SEC24A: variants seen among roughly 807,000 people sequenced by gnomAD.
The protein encoded by SEC24A is SEC24 homolog A, COPII component.
SEC24A carries 93 observed loss-of-function variants against 129.4 expected under a neutral mutation model. The ratio of observed to expected loss-of-function variants is 0.72; its 90% CI spans 0.61 to 0.85. The LOEUF (loss-of-function observed/expected upper bound fraction) is 0.85. Among genes scored for constraint, SEC24A ranks in the 40% least tolerant of loss-of-function variants. SEC24A has a pLI of 0.00. For synonymous variants in SEC24A, 460 were observed against 467.3 expected (o/e 0.98, Z 0.20); for missense variants, 1,264 against 1,307.4 (o/e 0.97, Z 0.51).
chr5:134,674,495 C>G, intron 4 of SEC24A, 120 bp from the exon 5 acceptor site: 2 of 813,372 alleles, frequency 2.5e-6, no homozygotes, highest in Admixed American at 2.8e-5. Context: ...TGTGATTGCA[C>G]CACTGCACTG....
Position 134,648,968 on chromosome 5 carries a change from C to T in SEC24A, c.-109C>T. ...ATGCGCCCCCCCCTCTTCTCCCAGT[C>T]TTCAGTCTTAAGTCGTTAGCCTCCT... On this transcript the variant is annotated 5_prime_UTR_variant, in exon 1 of 23. Transcript: ENST00000398844. The T allele has an allele frequency of 1.4e-6, 1 of 724,880 alleles. No homozygotes were observed. Among genetic ancestry groups the T allele is most frequent in the South Asian group, 1.9e-5 (1 of 52,948 alleles). The allele number at this position is 724,880 out of a possible 1,614,324, so 44.9% of individuals were successfully genotyped here. A position where few individuals can be genotyped will look rare whatever the true frequency, so the allele number is the denominator to read the frequency against.
At chr5:134,717,394 C>T (rs1411895125) in intron 19 of SEC24A, among the ~76,000 whole-genome samples, 1 of 151,758 alleles carries the variant, frequency 6.6e-6, no homozygotes, top group Admixed American at 6.6e-5. Context: ...GTAATCCCAG[C>T]TACTCGGGAG....
chr5:134,652,028 T>C (rs1750073531), intron 1 of SEC24A, among the ~76,000 whole-genome samples: 1 of 151,434 alleles, frequency 6.6e-6, no homozygotes, highest in Non-Finnish European at 1.5e-5. Flanking sequence ...TTCAAGCAAT[T>C]CTCCTGCCTC....
chr5:134,654,219 A>ATAT (rs112043481), intron 1 of SEC24A, among the ~76,000 whole-genome samples: 22 of 150,894 alleles, frequency 1.5e-4, no homozygotes, highest in Non-Finnish European at 3.1e-4. Flanking sequence ...AAAAAAAAAA[A>ATAT]ATATATATAT....
intron 1 of SEC24A, among the ~76,000 whole-genome samples, chr5:134,659,616 C>T (rs1319955862): frequency 6.6e-6 from 1 of 151,404 alleles, no homozygotes; most frequent in Non-Finnish European, 1.5e-5. Flanking sequence ...TATCTGTCTT[C>T]CTGCCAGTTG....
rs764177195 is a variant in SEC24A, at chr5:134,697,287, T to C, written c.2107+41T>C. ...TGATTTTTTTTTTCCGTTAAATGAA[T>C]ATCAAAATGGTCCTTATATGATAGT... On this transcript the variant is annotated intron_variant, in intron 14 of 22. Coordinates refer to ENST00000398844, the MANE Select transcript of SEC24A (RefSeq NM_021982.3). 3 of 1,525,082 alleles carry C rather than the reference T, an allele frequency of 2.0e-6. No homozygotes were observed. The African/African-American group carries it at 4.1e-5, about 21-fold the overall frequency. The allele number at this position is 1,525,082 out of a possible 1,614,324, so 94.5% of individuals were successfully genotyped here. A position where few individuals can be genotyped will look rare whatever the true frequency, so the allele number is the denominator to read the frequency against.
At chr5:134,669,241 A>T (rs535885169) in intron 3 of SEC24A, among the ~76,000 whole-genome samples, 46 of 150,920 alleles carry the variant, frequency 3.0e-4, no homozygotes, top group African/African-American at 1.1e-3. Flanking sequence ...ATCTCGGCTC[A>T]CCGCAACCTC....
intron 20 of SEC24A, among the ~76,000 whole-genome samples, chr5:134,719,783 C>G (rs1423015982): frequency 1.3e-5 from 2 of 152,064 alleles, no homozygotes; most frequent in Non-Finnish European, 2.9e-5. Context: ...GTCGGGAGTT[C>G]AAGACCAGCC....
At chr5:134,711,492 G>A (rs1752323004) in intron 18 of SEC24A, among the ~76,000 whole-genome samples, 1 of 151,752 alleles carries the variant, frequency 6.6e-6, no homozygotes, top group Non-Finnish European at 1.5e-5. Flanking sequence ...GACCAGCCTG[G>A]ACAACATAGT....
At chr5:134,651,671 C>A (rs1750055778) in intron 1 of SEC24A, among the ~76,000 whole-genome samples, 1 of 151,792 alleles carries the variant, frequency 6.6e-6, no homozygotes, top group Non-Finnish European at 1.5e-5. Flanking sequence ...TCTATGTTGC[C>A]TAGGCTGGTC....
chr5:134,657,191 C>CACAT (rs1331117382), intron 1 of SEC24A, among the ~76,000 whole-genome samples: 2 of 151,214 alleles, frequency 1.3e-5, no homozygotes, highest in African/African-American at 4.9e-5. Flanking sequence ...CGCACACACA[C>CACAT]ACACACACAC....
In SEC24A at chr5:134,725,210, G is replaced by A; in HGVS notation, c.*116G>A. ...TGTGGACTAATGTGATGATTGAGAT[G>A]TTCTCACTGTGATTTCAACAACCTA... On this transcript the variant is annotated 3_prime_UTR_variant, in exon 23 of 23. Coordinates refer to ENST00000398844, the MANE Select transcript of SEC24A (RefSeq NM_021982.3). 1 of 603,406 alleles carries A rather than the reference G, an allele frequency of 1.7e-6. No homozygotes were observed. Among genetic ancestry groups the A allele is most frequent in the Non-Finnish European group, 2.9e-6 (1 of 343,158 alleles). The allele number at this position is 603,406 out of a possible 1,614,324, so 37.4% of individuals were successfully genotyped here.
chr5:134,697,089 T>G (rs756694121), intron 13 of SEC24A, 37 bp from the exon 14 acceptor site: 9 of 1,237,672 alleles, frequency 7.3e-6, no homozygotes, highest in Non-Finnish European at 1.0e-5. Flanking sequence ...AATGTAATGA[T>G]TTTTTAAAAT....
intron 10 of SEC24A, among the ~76,000 whole-genome samples, chr5:134,687,616 G>C (rs963794851): frequency 3.3e-5 from 5 of 152,136 alleles, no homozygotes; most frequent in Non-Finnish European, 5.9e-5. Flanking sequence ...GCTCATTCTT[G>C]TTCCTGCCAG....
In SEC24A at chr5:134,648,939, C is replaced by T; in HGVS notation, c.-138C>T. 1 of 609,932 alleles carries T rather than the reference C, an allele frequency of 1.6e-6. No individual in the cohort carries two copies. Among genetic ancestry groups the T allele is most frequent in the East Asian group, 3.2e-5 (1 of 31,690 alleles). The allele number at this position is 609,932 out of a possible 1,614,324, so 37.8% of individuals were successfully genotyped here. A position where few individuals can be genotyped will look rare whatever the true frequency, so the allele number is the denominator to read the frequency against. On this transcript the variant is annotated 5_prime_UTR_variant, in exon 1 of 23. Coordinates refer to ENST00000398844, the MANE Select transcript of SEC24A (RefSeq NM_021982.3). ...GGAGAGTGCGGCGCCATGCCTCGGG[C>T]TTAATGCGCCCCCCCCTCTTCTCCC...
intron 19 of SEC24A, among the ~76,000 whole-genome samples, chr5:134,715,843 T>TA (rs1441830294): frequency 2.7e-5 from 2 of 73,572 alleles, no homozygotes; most frequent in African/African-American, 1.2e-4. Context: ...TCCCAGAACT[T>TA]AAAGTATTAA....
At chr5:134,668,268 A>C (rs544573858) in intron 3 of SEC24A, among the ~76,000 whole-genome samples, 1 of 152,184 alleles carries the variant, frequency 6.6e-6, no homozygotes, top group South Asian at 2.1e-4. Flanking sequence ...ATTAAGTATT[A>C]TAAGTCGGGA....
At chr5:134,686,308 C>G (rs62379984) in intron 9 of SEC24A, among the ~76,000 whole-genome samples, 7,788 of 151,624 alleles carry the variant, frequency 0.051, 301 homozygotes, top group Non-Finnish European at 0.077. Flanking sequence ...AATCTCGGCT[C>G]ACTGCAACCT....
At chr5:134,660,502 AT>A (rs1302525240) in intron 1 of SEC24A, among the ~76,000 whole-genome samples, 1 of 150,964 alleles carries the variant, frequency 6.6e-6, no homozygotes, top group African/African-American at 2.4e-5. Flanking sequence ...CTTATATATT[AT>A]TTTTTTACAA....
Sources: allele counts gnomAD v4.1 joint callset (sites outside exome capture counted in the v4.1 genomes callset), GRCh38; gene constraint gnomAD v4.1.1; transcripts MANE v1.5; gene names NCBI Gene and HGNC (gene_info 2026-07-23, HGNC 2026-07-21).